Variants in PRKG1 observed in about 807,000 individuals in gnomAD.
PRKG1 encodes the protein cGMP-dependent protein kinase 1.
In PRKG1, 35 loss-of-function variants were observed where a neutral mutation model predicts 88.1. The observed-to-expected ratio is 0.40, with a 90% CI of 0.30 to 0.53. PRKG1 has a LOEUF of 0.53. PRKG1 is among the 20% of genes least tolerant of loss of function. PRKG1 has a pLI of 0.59. For synonymous variants in PRKG1, 303 were observed against 292.5 expected (o/e 1.04, Z -0.37); for missense variants, 540 against 839.8 (o/e 0.64, Z 4.41).
chr10:51,231,761 G>T (rs943085757), intron 2 of PRKG1, among the ~76,000 whole-genome samples: 15 of 151,298 alleles, frequency 9.9e-5, no homozygotes, highest in African/African-American at 3.2e-4. Flanking sequence ...GTTTTCTGGA[G>T]AATTGATAAA....
chr10:51,680,178 C>T (rs1395863746), intron 3 of PRKG1, among the ~76,000 whole-genome samples: 7 of 152,038 alleles, frequency 4.6e-5, no homozygotes, highest in Non-Finnish European at 7.4e-5. Flanking sequence ...GAGCCAAATC[C>T]TTCATCCGGA....
intron 5 of PRKG1, among the ~76,000 whole-genome samples, chr10:52,039,084 T>C (rs558810364): frequency 4.8e-4 from 73 of 151,820 alleles, no homozygotes; most frequent in African/African-American, 1.6e-3. Flanking sequence ...CCAAGGGAGG[T>C]CCCCCGATCC....
chr10:51,751,593 A>G (rs1837727799), intron 3 of PRKG1, among the ~76,000 whole-genome samples: 1 of 152,208 alleles, frequency 6.6e-6, no homozygotes, highest in Non-Finnish European at 1.5e-5. Flanking sequence ...TATACGTTGC[A>G]TGGAACATAC....
At chr10:51,329,103 C>T (rs1841665268) in intron 2 of PRKG1, among the ~76,000 whole-genome samples, 1 of 152,048 alleles carries the variant, frequency 6.6e-6, no homozygotes, top group Admixed American at 6.6e-5. Flanking sequence ...ATTTTGTTGC[C>T]ATTGCCTTTG....
At chr10:51,339,627 T>A (rs1413329570) in intron 2 of PRKG1, among the ~76,000 whole-genome samples, 1 of 152,030 alleles carries the variant, frequency 6.6e-6, no homozygotes, top group Non-Finnish European at 1.5e-5. Context: ...TATATATATT[T>A]ATGTGTATAT....
At chr10:51,575,422 G>A (rs1837862125) in intron 3 of PRKG1, among the ~76,000 whole-genome samples, 1 of 151,864 alleles carries the variant, frequency 6.6e-6, no homozygotes, top group Non-Finnish European at 1.5e-5. Flanking sequence ...TTGCTACAAC[G>A]ACTGAGATCT....
At chr10:51,963,111 A>G (rs1464251711) in intron 5 of PRKG1, among the ~76,000 whole-genome samples, 1 of 148,890 alleles carries the variant, frequency 6.7e-6, no homozygotes, top group African/African-American at 2.5e-5. Context: ...TGTAGCAAAA[A>G]GGTAAAAAAA....
At chr10:51,776,517 A>G (rs1838440144) in intron 3 of PRKG1, among the ~76,000 whole-genome samples, 2 of 152,150 alleles carry the variant, frequency 1.3e-5, no homozygotes, top group Non-Finnish European at 2.9e-5. Context: ...TCACCTCATC[A>G]ATGAATAACT....
intron 2 of PRKG1, among the ~76,000 whole-genome samples, chr10:51,344,325 G>GC (rs1285694976): frequency 6.6e-6 from 1 of 152,118 alleles, no homozygotes; most frequent in Non-Finnish European, 1.5e-5. Context: ...CACAAGGACA[G>GC]CATCAAGAGG....
rs562179243 is a variant in PRKG1 at position 51,797,293 on chromosome 10, G to A, written c.593-7292G>A. 8.6e-4 allele frequency among the ~76,000 whole-genome samples: 127 copies of A among 147,798 alleles called. 5 individuals are homozygous for A. In the South Asian group the frequency reaches 0.025, roughly 30 times the overall value. Reference sequence around the variant, plus strand: ...ATACATCTGATCACTTTTGTTTATTGTAGTAAAATATATATTTTTTACTTA... The same window carrying A: ...ATACATCTGATCACTTTTGTTTATTATAGTAAAATATATATTTTTTACTTA... On this transcript the variant is annotated intron_variant, in intron 3 of 17. Transcript: ENST00000373980.
intron 2 of PRKG1, among the ~76,000 whole-genome samples, chr10:51,223,127 A>G (rs1439514201): frequency 6.6e-6 from 1 of 152,076 alleles, no homozygotes; most frequent in Non-Finnish European, 1.5e-5. Context: ...TTATAGCCCC[A>G]GAACTTACTC....
intron 2 of PRKG1, among the ~76,000 whole-genome samples, chr10:51,323,892 C>T (rs1345069264): frequency 3.9e-5 from 6 of 152,104 alleles, no homozygotes; most frequent in African/African-American, 1.4e-4. Context: ...TTTGAGGCTA[C>T]AGTGAGTTAT....
At chr10:51,849,326 G>A (rs17549153) in intron 4 of PRKG1, among the ~76,000 whole-genome samples, 16,202 of 152,166 alleles carry the variant, frequency 0.11, 997 homozygotes, top group South Asian at 0.16. Context: ...ATTTGAAAAA[G>A]CCTTAGAATG....
intron 3 of PRKG1, among the ~76,000 whole-genome samples, chr10:51,588,872 A>G (rs912954461): frequency 6.6e-6 from 1 of 152,072 alleles, no homozygotes; most frequent in Non-Finnish European, 1.5e-5. Flanking sequence ...TTGCCTTTTG[A>G]TAGTAGTCCA....
At chr10:50,995,678 C>T (rs1407251582) in intron 1 of PRKG1, among the ~76,000 whole-genome samples, 1 of 152,180 alleles carries the variant, frequency 6.6e-6, no homozygotes, top group African/African-American at 2.4e-5. Flanking sequence ...TTTTTGCATA[C>T]ACCCAAACTC....
At chr10:52,016,812 A>T (rs959388425) in intron 5 of PRKG1, among the ~76,000 whole-genome samples, 7 of 152,190 alleles carry the variant, frequency 4.6e-5, no homozygotes, top group Admixed American at 1.3e-4. Context: ...TATAATAAAA[A>T]TTTTTTAAAA....
intron 7 of PRKG1, among the ~76,000 whole-genome samples, chr10:52,076,378 G>A (rs372213118): frequency 6.6e-5 from 10 of 152,170 alleles, no homozygotes; most frequent in Admixed American, 4.6e-4. Flanking sequence ...CCAACATGGC[G>A]AAACCCTGTC....
chr10:51,326,340 G>A (rs534340122), intron 2 of PRKG1, among the ~76,000 whole-genome samples: 128 of 152,262 alleles, frequency 8.4e-4, no homozygotes, highest in Admixed American at 5.1e-3. Context: ...TTGAGATAAC[G>A]GAGTTATAGG....
At chr10:51,618,514 C>T (rs1011969598) in intron 3 of PRKG1, among the ~76,000 whole-genome samples, 1 of 152,146 alleles carries the variant, frequency 6.6e-6, no homozygotes, top group Non-Finnish European at 1.5e-5. Context: ...TTAATATATA[C>T]TAGCCCCTAT....
Sources: allele counts gnomAD v4.1 joint callset (sites outside exome capture counted in the v4.1 genomes callset), GRCh38; gene constraint gnomAD v4.1.1; transcripts MANE v1.5; gene names NCBI Gene and HGNC (gene_info 2026-07-23, HGNC 2026-07-21).